The following REPS2 variants were observed in gnomAD, a reference collection of about 807,000 sequenced individuals.
The protein encoded by REPS2 is RALBP1 associated Eps domain containing 2.
REPS2 carries 23 observed loss-of-function variants against 53.6 expected under a neutral mutation model. The observed-to-expected ratio is 0.43, with a 90% CI of 0.31 to 0.61. The LOEUF is 0.61. REPS2 is among the 20% of genes least tolerant of loss of function. REPS2 has a pLI of 0.11. For synonymous variants in REPS2, 238 were observed against 218.6 expected (o/e 1.09, Z -0.78); for missense variants, 446 against 534.9 (o/e 0.83, Z 1.64).
intron 1 of REPS2, chrX:16,978,616 C>T (rs1395178398): frequency 9.7e-6 from 7 of 725,017 alleles, no homozygotes; most frequent in African/African-American, 2.4e-5. Context: ...GGCTTGGATT[C>T]AATTACAGTA....
At chrX:17,028,544 A>G (rs2061674286) in intron 4 of REPS2, among the ~76,000 whole-genome samples, 1 of 111,979 alleles carries the variant, frequency 8.9e-6, no homozygotes, top group South Asian at 3.7e-4. Context: ...GTGTTAATGT[A>G]TTGTAACATT....
chrX:16,996,847 C>A (rs1399261099), intron 1 of REPS2, among the ~76,000 whole-genome samples: 1 of 112,088 alleles, frequency 8.9e-6, no homozygotes, highest in African/African-American at 3.2e-5. Flanking sequence ...TAGGCACTCA[C>A]TCCTCTAAAA....
rs961115350 is a variant in REPS2 at position 17,149,792 on chromosome X, A to T, written c.*2311A>T. 2 of 112,103 alleles carry T rather than the reference A, an allele frequency of 1.8e-5. No individual in the cohort carries two copies. 9.2% of individuals were successfully genotyped at this position (112,103 alleles called of 1,213,427 possible). A position where few individuals can be genotyped will look rare whatever the true frequency, so the allele number is the denominator to read the frequency against. On this transcript the variant is annotated 3_prime_UTR_variant, in exon 18 of 18. Coordinates refer to ENST00000357277, the MANE Select transcript of REPS2 (RefSeq NM_004726.3). The stretch of plus-strand genomic sequence containing the variant: ...AATGTTAGTCTGCAGTATTCATTTT[A>T]AAAATATTGACATGCTTTTCCCCTC...
At chrX:17,195,083 A>C in the REPS2 span, among the ~76,000 whole-genome samples, 1 of 112,220 alleles carries the variant, frequency 8.9e-6, no homozygotes, top group African/African-American at 3.2e-5. Context: ...GTTGTGAGGG[A>C]GGGAGAAATT....
intron 11 of REPS2, among the ~76,000 whole-genome samples, chrX:17,070,379 C>T (rs925422588): frequency 8.9e-6 from 1 of 112,162 alleles, no homozygotes; most frequent in African/African-American, 3.2e-5. Context: ...TGGTATTTTC[C>T]ATTTCCAAAG....
At chrX:17,112,707 G>C (rs2062987307) in intron 14 of REPS2, among the ~76,000 whole-genome samples, 1 of 111,344 alleles carries the variant, frequency 9.0e-6, no homozygotes, top group African/African-American at 3.3e-5. Context: ...TGCAGTGATA[G>C]CAGTACTCGG....
intron 9 of REPS2, 121 bp downstream of exon 9, chrX:17,062,653 ATTTCCT>A (rs1376165645): frequency 6.6e-6 from 3 of 452,629 alleles, no homozygotes; most frequent in African/African-American, 5.1e-5. Flanking sequence ...CTTTTATAAC[ATTTCCT>A]TTTCATACTT....
chrX:17,076,061 T>C (rs1003743554), intron 12 of REPS2, among the ~76,000 whole-genome samples: 1 of 111,946 alleles, frequency 8.9e-6, no homozygotes, highest in African/African-American at 3.3e-5. Flanking sequence ...GCCATTATGG[T>C]GGCTTTATTA....
chrX:17,177,319 C>G, the REPS2 span, among the ~76,000 whole-genome samples: 3 of 112,179 alleles, frequency 2.7e-5, no homozygotes, highest in South Asian at 1.1e-3. Flanking sequence ...GGTCAGGACT[C>G]AAACCTGTGT....
chrX:17,039,528 G>A (rs1339211209), intron 5 of REPS2, among the ~76,000 whole-genome samples: 1 of 112,132 alleles, frequency 8.9e-6, no homozygotes, highest in East Asian at 2.8e-4. Flanking sequence ...TAGATGATGG[G>A]GAGGAAGGTG....
At chrX:16,970,218 A>G (rs1278606136) in intron 1 of REPS2, among the ~76,000 whole-genome samples, 8 of 105,006 alleles carry the variant, frequency 7.6e-5, no homozygotes, top group Admixed American at 3.1e-4. Context: ...TTTTTTTAAG[A>G]CGGAATCTCC....
At chrX:17,157,206 A>T (rs951667650), downstream of REPS2, among the ~76,000 whole-genome samples, 2 of 111,707 alleles carry the variant, frequency 1.8e-5, no homozygotes, top group African/African-American at 3.3e-5. Flanking sequence ...CATGGCAAGG[A>T]CATCACCTTG....
Position 16,965,978 on chromosome X carries a change from C to T in REPS2, c.273+18844C>T, listed in dbSNP as rs766910586. ...TACGAAAACCAGTCAGGCGTGGCGG[C>T]GCGCGCCTGCAATTGCAGGCACTCG... is the stretch of plus-strand genomic sequence containing the variant. On this transcript the variant is annotated intron_variant, in intron 1 of 17. Coordinates refer to ENST00000357277, the MANE Select transcript of REPS2 (RefSeq NM_004726.3). Among the ~76,000 whole-genome samples the T allele has an allele frequency of 9.7e-4, 109 of 112,520 alleles. 1 individual carries two copies. The Middle Eastern group carries it at 0.014, about 14-fold the overall frequency.
downstream of REPS2, among the ~76,000 whole-genome samples, chrX:17,157,914 G>A (rs887169164): frequency 8.0e-5 from 9 of 112,018 alleles, no homozygotes; most frequent in Non-Finnish European, 1.7e-4. Context: ...TGGCCCATCT[G>A]CTTCAGTAGT....
chrX:17,172,279 A>G, the REPS2 span, among the ~76,000 whole-genome samples: 1 of 111,510 alleles, frequency 9.0e-6, no homozygotes, highest in East Asian at 2.8e-4. Flanking sequence ...GTGAATTTAT[A>G]ATTCCCAGTG....
intron 1 of REPS2, among the ~76,000 whole-genome samples, chrX:16,976,268 C>T (rs1471251387): frequency 9.0e-6 from 1 of 111,377 alleles, no homozygotes; most frequent in Non-Finnish European, 1.9e-5. Flanking sequence ...TATTATAACT[C>T]TAAATCCTGG....
At chrX:17,004,805 A>G in intron 1 of REPS2, among the ~76,000 whole-genome samples, 1 of 111,929 alleles carries the variant, frequency 8.9e-6, no homozygotes, top group African/African-American at 3.2e-5. Context: ...TTGATAGTAG[A>G]TTAACACTCA....
intron 1 of REPS2, among the ~76,000 whole-genome samples, chrX:16,969,398 G>A (rs1471459873): frequency 9.0e-6 from 1 of 110,696 alleles, no homozygotes; most frequent in East Asian, 2.9e-4. Flanking sequence ...AGGTTGTAGC[G>A]AGCCGAGATC....
At position 16,946,962 on chromosome X, in the gene REPS2, A is replaced by G; in HGVS notation, c.101A>G (p.Glu34Gly). Residue 34 changes from glutamate to glycine, a missense_variant, in exon 1 of 18, where the codon GAG becomes GGG. Physicochemically the swap from Glu to Gly is moderately conservative, Grantham distance 98 (BLOSUM62 -2). Coordinates refer to ENST00000357277, the MANE Select transcript of REPS2 (RefSeq NM_004726.3). Reference protein sequence around the residue: ...GPPPLLLSEGEQQCYSELFAR... With the variant: ...GPPPLLLSEGGQQCYSELFAR... ...CCGCCGCTGCTGCTGAGCGAGGGCGAGCAGCAGTGCTACTCCGAGCTCTTC... is the reference window on the plus strand; with the variant it reads ...CCGCCGCTGCTGCTGAGCGAGGGCGGGCAGCAGTGCTACTCCGAGCTCTTC... The G allele has an allele frequency of 3.4e-6, 3 of 888,737 alleles. No individual in the cohort carries two copies. The highest frequency in any genetic ancestry group is 2.2e-5 in the African/African-American group (1 of 46,473). The allele number at this position is 888,737 out of a possible 1,213,427, so 73.2% of individuals were successfully genotyped here.
Sources: allele counts gnomAD v4.1 joint callset (sites outside exome capture counted in the v4.1 genomes callset), GRCh38; gene constraint gnomAD v4.1.1; transcripts MANE v1.5; gene names NCBI Gene and HGNC (gene_info 2026-07-23, HGNC 2026-07-21).